The following RFWD3 variants were observed in gnomAD, a reference collection of about 807,000 sequenced individuals.
RFWD3 encodes E3 ubiquitin-protein ligase RFWD3.
A neutral mutation model predicts 87.7 loss-of-function variants in RFWD3; 65 were observed. The ratio of observed to expected loss-of-function variants is 0.74; its 90% CI spans 0.61 to 0.91. RFWD3 has a LOEUF of 0.91. Among genes scored for constraint, RFWD3 ranks in the 40% least tolerant of loss-of-function variants. The pLI is 0.00. For missense variants in RFWD3, 1,078 were observed against 938.5 expected (o/e 1.15, Z -1.94); for synonymous variants, 433 against 352.8 (o/e 1.23, Z -2.55).
intron 9 of RFWD3, among the ~76,000 whole-genome samples, chr16:74,631,906 C>A (rs1157981567): frequency 6.6e-6 from 1 of 152,172 alleles, no homozygotes; most frequent in East Asian, 1.9e-4. Context: ...AGGCGTGAGC[C>A]ACCACGCCTG....
rs192954282 is a variant in RFWD3 at position 74,630,463 on chromosome 16, G to C, written c.1754+318C>G. On this transcript the variant is annotated intron_variant, in intron 10 of 12. Coordinates refer to ENST00000361070, the MANE Select transcript of RFWD3 (RefSeq NM_018124.4). ...ACAGATTAAGCTCACAGTGGGCCAA[G>C]AAAATACAACTAAGGTCACACAACT... Among the ~76,000 whole-genome samples the C allele has an allele frequency of 1.6e-3, 248 of 152,320 alleles. 3 individuals carry two copies. Among genetic ancestry groups the C allele is most frequent in the African/African-American group, 5.6e-3 (231 of 41,576 alleles).
In RFWD3 at chr16:74,623,181, C is replaced by T. The variant is rs1290992641; in HGVS notation, c.*747G>A. 6.6e-6 allele frequency: 1 copy of T among 152,636 alleles called. No individual in the cohort carries two copies. The highest frequency in any genetic ancestry group is 1.5e-5 in the Non-Finnish European group (1 of 68,052). The allele number at this position is 152,636 out of a possible 1,614,324, so 9.5% of individuals were successfully genotyped here. A position where few individuals can be genotyped will look rare whatever the true frequency, so the allele number is the denominator to read the frequency against. On this transcript the variant is annotated 3_prime_UTR_variant, in exon 13 of 13. Transcript: ENST00000361070. ...AACAAAATCTTCCCCACCGCTCAAACAACTGGCCTCTTTCCTTACCTTTCG... is the reference window on the plus strand; with the variant it reads ...AACAAAATCTTCCCCACCGCTCAAATAACTGGCCTCTTTCCTTACCTTTCG...
intron 1 of RFWD3, chr16:74,666,581 G>C (rs976296047): frequency 6.6e-6 from 1 of 152,254 alleles, no homozygotes; most frequent in Admixed American, 6.5e-5. Flanking sequence ...CAGCAACCCA[G>C]ATACGCGCGG....
At chr16:74,634,805 A>AG (rs974568027) in intron 8 of RFWD3, among the ~76,000 whole-genome samples, 1 of 148,796 alleles carries the variant, frequency 6.7e-6, no homozygotes, top group African/African-American at 2.5e-5. Flanking sequence ...ACAGCCAGAG[A>AG]GGAAAAAAAA....
At position 74,647,583 on chromosome 16, in the gene RFWD3, C is replaced by T. The variant is rs189982397; in HGVS notation, c.792+1549G>A. ...GATTACAGGTGTGAGCCACTGCGCC[C>T]GGCCAACATTATTATTACTATTCTT... On this transcript the variant is annotated intron_variant, in intron 4 of 12. Transcript: ENST00000361070. 3.7e-3 allele frequency among the ~76,000 whole-genome samples: 565 copies of T among 151,754 alleles called. 1 individual carries two copies. Among genetic ancestry groups the T allele is most frequent in the African/African-American group, 0.013 (550 of 41,446 alleles).
intron 7 of RFWD3, among the ~76,000 whole-genome samples, chr16:74,637,025 T>C (rs1005769908): frequency 6.7e-6 from 1 of 149,876 alleles, no homozygotes; most frequent in African/African-American, 2.5e-5. Flanking sequence ...AACTGCTGAG[T>C]TTTTACAGTA....
rs1437112303 is a variant in RFWD3 at position 74,649,171 on chromosome 16, T to C, written c.753A>G (p.Glu251=). ...TCTTGCCTCCATCGATACATGTAAC[T>C]TCTTGCTCTGCTGAGACACCTGCTA... ...EQLAGVSAEQ[E]VTCIDGGKTL... Residue 251 remains glutamate, a synonymous_variant, in exon 4 of 13, where the codon GAA becomes GAG. Transcript: ENST00000361070. 5 of 1,569,972 alleles carry C rather than the reference T, an allele frequency of 3.2e-6. No homozygotes were observed. The South Asian group carries it at 6.0e-5, about 19-fold the overall frequency.
In RFWD3 at chr16:74,645,813, C is replaced by G. The variant is rs185450678; in HGVS notation, c.793-1078G>C. Among the ~76,000 whole-genome samples, 720 of 133,994 alleles carry G rather than the reference C, an allele frequency of 5.4e-3. 2 individuals are homozygous for G. Among genetic ancestry groups the G allele is most frequent in the Non-Finnish European group, 8.4e-3 (551 of 65,520 alleles). The allele number at this position is 133,994 out of a possible 152,430, so 87.9% of individuals were successfully genotyped here. ...TGTCGCCCAGGCTGGAGTGTAGCGG[C>G]AGAATCTCGGCTCACTGCAAGTTCC... On this transcript the variant is annotated intron_variant, in intron 4 of 12. Transcript: ENST00000361070.
intron 2 of RFWD3, among the ~76,000 whole-genome samples, chr16:74,660,367 C>G (rs746259338): frequency 6.6e-6 from 1 of 152,094 alleles, no homozygotes; most frequent in Non-Finnish European, 1.5e-5. Flanking sequence ...GCAGGAGAAT[C>G]GCTTGAATCT....
rs985553853 is a variant in RFWD3, at chr16:74,622,618, T to C, written c.*1310A>G. The C allele has an allele frequency of 1.2e-4, 18 of 152,226 alleles. No individual in the cohort carries two copies. Among genetic ancestry groups the C allele is most frequent in the African/African-American group, 4.1e-4 (17 of 41,456 alleles). The allele number at this position is 152,226 out of a possible 1,614,324, so 9.4% of individuals were successfully genotyped here. A position where few individuals can be genotyped will look rare whatever the true frequency, so the allele number is the denominator to read the frequency against. On this transcript the variant is annotated 3_prime_UTR_variant, in exon 13 of 13. Transcript: ENST00000361070. Reference sequence around the variant, plus strand: ...AGCTCTTGAATTGACAGGTCAGAAGTGTTTTATAATAAAAACGATAACAAC... The same window carrying C: ...AGCTCTTGAATTGACAGGTCAGAAGCGTTTTATAATAAAAACGATAACAAC...
At chr16:74,660,156 A>G (rs1961308775) in intron 2 of RFWD3, among the ~76,000 whole-genome samples, 1 of 152,230 alleles carries the variant, frequency 6.6e-6, no homozygotes, top group African/African-American at 2.4e-5. Flanking sequence ...TCCAGGCTCC[A>G]ATATCAGTGC....
chr16:74,629,525 G>A (rs1188030634), intron 10 of RFWD3, among the ~76,000 whole-genome samples: 2 of 152,048 alleles, frequency 1.3e-5, no homozygotes, highest in African/African-American at 4.8e-5. Context: ...CAGGTGTGGT[G>A]GCACACGCGT....
chr16:74,643,440 T>C (rs1446900087), intron 6 of RFWD3, among the ~76,000 whole-genome samples: 1 of 152,132 alleles, frequency 6.6e-6, no homozygotes, highest in Non-Finnish European at 1.5e-5. Context: ...CTAAATGAAG[T>C]TTCATTAAGT....
At position 74,632,509 on chromosome 16, in the gene RFWD3, C is replaced by T. The variant is rs761652477; in HGVS notation, c.1577+14G>A. ...AAAGAGCCCAGTCTCCACCTACTTC[C>T]CCAAATCACTCACCTGGTCAGTTTA... is the stretch of plus-strand genomic sequence containing the variant. On this transcript the variant is annotated intron_variant, in intron 9 of 12. Transcript: ENST00000361070. The T allele has an allele frequency of 6.2e-7, 1 of 1,613,400 alleles. No individual in the cohort carries two copies. The highest frequency in any genetic ancestry group is 8.5e-7 in the Non-Finnish European group (1 of 1,179,512).
chr16:74,627,061 A>G (rs1958960869), intron 11 of RFWD3, among the ~76,000 whole-genome samples: 1 of 152,208 alleles, frequency 6.6e-6, no homozygotes, highest in African/African-American at 2.4e-5. Flanking sequence ...GGCTTTGTAC[A>G]CCAGTCACAA....
intron 2 of RFWD3, among the ~76,000 whole-genome samples, chr16:74,659,919 C>A (rs1051089710): frequency 6.6e-6 from 1 of 152,098 alleles, no homozygotes; most frequent in Non-Finnish European, 1.5e-5. Flanking sequence ...GGCATGGTTG[C>A]GTATGCCTGT....
chr16:74,626,137 G>C (rs913334691), intron 12 of RFWD3, among the ~76,000 whole-genome samples: 1 of 152,082 alleles, frequency 6.6e-6, no homozygotes, highest in African/African-American at 2.4e-5. Context: ...CAGCAGTTCA[G>C]TCAAGATCTA....
intron 3 of RFWD3, among the ~76,000 whole-genome samples, chr16:74,650,399 G>A (rs1337542102): frequency 1.3e-5 from 2 of 150,540 alleles, no homozygotes; most frequent in African/African-American, 2.4e-5. Context: ...GTGTGTGTGT[G>A]TATACAGTAC....
Position 74,632,536 on chromosome 16 carries a change from T to G in RFWD3, c.1564A>C (p.Ile522Leu). The change falls in exon 9 of 13, where the codon ATT (isoleucine) becomes CTT (leucine). Residue 522 changes from isoleucine (I) to leucine (L), a missense_variant. Transcript: ENST00000361070. The part of the protein sequence containing the change: ...LLLSASLDNT[I>L]KLTSLETNTV... The stretch of plus-strand genomic sequence containing the variant: ...CAAATCACTCACCTGGTCAGTTTAA[T>G]AGTGTTGTCTAGGGAAGCAGAGAGT... The G allele has an allele frequency of 6.2e-7, 1 of 1,613,950 alleles. No homozygotes were observed. Among genetic ancestry groups the G allele is most frequent in the Admixed American group, 1.7e-5 (1 of 60,006 alleles).
Sources: allele counts gnomAD v4.1 joint callset (sites outside exome capture counted in the v4.1 genomes callset), GRCh38; gene constraint gnomAD v4.1.1; transcripts MANE v1.5; gene names NCBI Gene and HGNC (gene_info 2026-07-23, HGNC 2026-07-21).